The following ARPP21 variants were observed in gnomAD, a reference collection of about 807,000 sequenced individuals.
The protein encoded by ARPP21 is cAMP-regulated phosphoprotein 21.
In ARPP21, 69 loss-of-function variants were observed where a neutral mutation model predicts 113.2. That is an observed-to-expected ratio of 0.61 (90% CI 0.50 to 0.74). ARPP21 has a LOEUF of 0.74. Among genes scored for constraint, ARPP21 ranks in the 30% least tolerant of loss-of-function variants. The pLI is 0.00. For synonymous variants in ARPP21, 368 were observed against 375.5 expected (o/e 0.98, Z 0.23); for missense variants, 1,070 against 1,037.4 (o/e 1.03, Z -0.43).
rs541632936 is a variant in ARPP21, at chr3:35,671,857, G to A, written c.-212-7930G>A. Among the ~76,000 whole-genome samples the A allele has an allele frequency of 3.5e-3, 535 of 152,092 alleles. 2 individuals carry two copies. Among genetic ancestry groups the A allele is most frequent in the African/African-American group, 0.012 (516 of 41,500 alleles). On this transcript the variant is annotated intron_variant, in intron 1 of 20. Transcript: ENST00000684406. ...CTAGATGTTTGGCCAGTTTAATTAT[G>A]ATAAATCATGCAATTAATGATGCCA...
intron 8 of ARPP21, 139 bp from the exon 9 acceptor site, chr3:35,690,726 G>T: frequency 1.4e-6 from 1 of 719,982 alleles, no homozygotes; most frequent in Non-Finnish European, 2.1e-6. Flanking sequence ...TAGAAATTAG[G>T]ACATTAAGTG....
At chr3:35,706,878 A>T (rs1356760776) in intron 9 of ARPP21, 96 bp from the exon 10 acceptor site, 3 of 875,528 alleles carry the variant, frequency 3.4e-6, no homozygotes, top group African/African-American at 1.7e-5. Flanking sequence ...GTAAACTTTT[A>T]AGTTAAATGA....
intron 15 of ARPP21, among the ~76,000 whole-genome samples, chr3:35,734,660 A>G (rs1410968119): frequency 1.3e-5 from 2 of 152,210 alleles, no homozygotes; most frequent in African/African-American, 2.4e-5. Flanking sequence ...TGTGGTAATA[A>G]TGGGAAATAC....
intron 9 of ARPP21, among the ~76,000 whole-genome samples, chr3:35,691,207 GT>G (rs1274166274): frequency 1.3e-5 from 2 of 151,578 alleles, no homozygotes; most frequent in Non-Finnish European, 3.0e-5. Context: ...AGACAATAAA[GT>G]GGATTTATTT....
intron 2 of ARPP21, 43 bp from the exon 3 acceptor site, chr3:35,681,671 A>G: frequency 9.9e-7 from 1 of 1,006,166 alleles, no homozygotes. Flanking sequence ...ATGATAGTAA[A>G]TACCTTGCAC....
chr3:35,727,831 C>T (rs909067695), intron 14 of ARPP21, among the ~76,000 whole-genome samples: 2 of 152,084 alleles, frequency 1.3e-5, no homozygotes, highest in African/African-American at 4.8e-5. Context: ...ACTGGGGTTG[C>T]TTGTCTCTTG....
In ARPP21 at chr3:35,681,836, G is replaced by A; in HGVS notation, c.85G>A (p.Val29Ile). The A allele has an allele frequency of 6.2e-7, 1 of 1,612,194 alleles. No homozygotes were observed. Among genetic ancestry groups the A allele is most frequent in the South Asian group, 1.1e-5 (1 of 91,000 alleles). Reference protein sequence around the residue: ...QETATPENGIVKSESLDEEEK... With the variant: ...QETATPENGIIKSESLDEEEK... Reference sequence around the variant, plus strand: ...GACGGCCACTCCAGAGAACGGCATTGTTAAATCAGAAAGTCTGGATGAAGA... The same window carrying A: ...GACGGCCACTCCAGAGAACGGCATTATTAAATCAGAAAGTCTGGATGAAGA... Residue 29 changes from valine to isoleucine, a missense_variant, in exon 3 of 21, where the codon GTT becomes ATT. Transcript: ENST00000684406.
At chr3:35,655,543 C>T (rs746483438) in intron 1 of ARPP21, among the ~76,000 whole-genome samples, 1 of 151,916 alleles carries the variant, frequency 6.6e-6, no homozygotes, top group Non-Finnish European at 1.5e-5. Context: ...AATGAGGACT[C>T]AGGGGTTTCT....
At chr3:35,670,698 T>C (rs754365743) in intron 1 of ARPP21, among the ~76,000 whole-genome samples, 18 of 152,192 alleles carry the variant, frequency 1.2e-4, no homozygotes, top group Non-Finnish European at 2.4e-4. Flanking sequence ...AGTGGGAAAG[T>C]ACCTTCTGGC....
At chr3:35,759,530 T>C (rs1021380776) in intron 19 of ARPP21, among the ~76,000 whole-genome samples, 2 of 152,118 alleles carry the variant, frequency 1.3e-5, no homozygotes, top group Non-Finnish European at 2.9e-5. Flanking sequence ...CTTGGAACTT[T>C]AGGAATCTAT....
chr3:35,654,003 G>GA (rs1294593836), intron 1 of ARPP21, among the ~76,000 whole-genome samples: 1 of 151,776 alleles, frequency 6.6e-6, no homozygotes, highest in Non-Finnish European at 1.5e-5. Flanking sequence ...AAAAAATAAG[G>GA]AAAAAATACT....
At chr3:35,744,084 G>A in intron 19 of ARPP21, 119 bp downstream of exon 19, 1 of 1,075,512 alleles carries the variant, frequency 9.3e-7, no homozygotes, top group East Asian at 2.4e-5. Context: ...TCTCTACCCA[G>A]AGAAGATAAC....
At chr3:35,656,608 G>C (rs907296539) in intron 1 of ARPP21, among the ~76,000 whole-genome samples, 1 of 152,100 alleles carries the variant, frequency 6.6e-6, no homozygotes, top group Admixed American at 6.5e-5. Flanking sequence ...ATGTCAAAAT[G>C]ATAAAACTAT....
At chr3:35,656,985 T>C (rs528105959) in intron 1 of ARPP21, among the ~76,000 whole-genome samples, 1 of 152,082 alleles carries the variant, frequency 6.6e-6, no homozygotes, top group Admixed American at 6.6e-5. Context: ...TCAAAAATGG[T>C]ACTAATTCCA....
At chr3:35,645,891 A>G (rs527711875) in intron 1 of ARPP21, among the ~76,000 whole-genome samples, 1 of 152,016 alleles carries the variant, frequency 6.6e-6, no homozygotes, top group African/African-American at 2.4e-5. Context: ...ATCCATGTTG[A>G]TATATTTTGG....
chr3:35,683,479 C>T (rs764230920), intron 4 of ARPP21, among the ~76,000 whole-genome samples: 6 of 150,874 alleles, frequency 4.0e-5, no homozygotes, highest in Non-Finnish European at 8.9e-5. Flanking sequence ...ATGTGATGCA[C>T]ACAATTTACT....
chr3:35,648,089 G>A (rs1224312419), intron 1 of ARPP21, among the ~76,000 whole-genome samples: 1 of 152,100 alleles, frequency 6.6e-6, no homozygotes, highest in Non-Finnish European at 1.5e-5. Flanking sequence ...TGTTTCTGAT[G>A]GTTAAAATTG....
intron 1 of ARPP21, among the ~76,000 whole-genome samples, chr3:35,659,679 C>T (rs1431757743): frequency 9.2e-5 from 14 of 152,062 alleles, no homozygotes. Context: ...CGGTAGAGAG[C>T]TAGGAGATTT....
At chr3:35,686,440 T>G (rs1016166529) in intron 5 of ARPP21, among the ~76,000 whole-genome samples, 1 of 151,676 alleles carries the variant, frequency 6.6e-6, no homozygotes, top group Non-Finnish European at 1.5e-5. Context: ...ATTTCATCAT[T>G]TATATTGCGT....
Sources: allele counts gnomAD v4.1 joint callset (sites outside exome capture counted in the v4.1 genomes callset), GRCh38; gene constraint gnomAD v4.1.1; transcripts MANE v1.5; gene names NCBI Gene and HGNC (gene_info 2026-07-23, HGNC 2026-07-21).